GAS2L3: variants seen among roughly 807,000 people sequenced by gnomAD.
GAS2L3 encodes the protein growth arrest specific 2 like 3.
A neutral mutation model predicts 37.0 loss-of-function variants in GAS2L3; 28 were observed. That is an observed-to-expected ratio of 0.76 (90% CI 0.56 to 1.04). GAS2L3 has a LOEUF of 1.04. GAS2L3 is among the 50% of genes least tolerant of loss of function. The probability of loss-of-function intolerance (pLI) is 0.00; values close to 1 mark genes in which losing one functional copy is unlikely to be tolerated. For synonymous variants in GAS2L3, 290 were observed against 296.6 expected (o/e 0.98, Z 0.23); for missense variants, 793 against 817.6 (o/e 0.97, Z 0.37).
chr12:100,585,294 C>A (rs982770155), intron 1 of GAS2L3, among the ~76,000 whole-genome samples: 1 of 151,040 alleles, frequency 6.6e-6, no homozygotes, highest in African/African-American at 2.4e-5. Context: ...CTTGCTCTGT[C>A]ACCCAGGTTG....
At position 100,611,995 on chromosome 12, in the gene GAS2L3, T is replaced by C. The variant is rs768316520; in HGVS notation, c.304-5T>C. ...TTTTTGAAATTATTCTTTTGTCTTT[T>C]CCAGAATTTTCCAATGAGAAAAGTG... On this transcript the variant is annotated splice_polypyrimidine_tract_variant and splice_region_variant and intron_variant, in intron 5 of 9. Transcript: ENST00000547754. The C allele has an allele frequency of 3.8e-6, 6 of 1,587,296 alleles. No homozygotes were observed. The African/African-American group carries it at 8.1e-5, about 21-fold the overall frequency.
chr12:100,596,775 C>T (rs1955918034), intron 3 of GAS2L3, among the ~76,000 whole-genome samples: 1 of 152,006 alleles, frequency 6.6e-6, no homozygotes, highest in African/African-American at 2.4e-5. Flanking sequence ...GTCATAGTCC[C>T]ATTTGAAAAC....
At chr12:100,609,434 C>G (rs1351317260) in intron 5 of GAS2L3, among the ~76,000 whole-genome samples, 1 of 152,152 alleles carries the variant, frequency 6.6e-6, no homozygotes, top group Non-Finnish European at 1.5e-5. Context: ...GTAAAGTCCT[C>G]CAGTTGCTGC....
Position 100,623,735 on chromosome 12 carries a change from A to C in GAS2L3, c.930A>C (p.Arg310Ser). 1 of 1,614,072 alleles carries C rather than the reference A, an allele frequency of 6.2e-7. No individual in the cohort carries two copies. Among genetic ancestry groups the C allele is most frequent in the East Asian group, 2.2e-5 (1 of 44,874 alleles). ...AAAGTGTACCTGATTCGCCTGCCAG[A>C]ACACCTCAGCCTCCTGAAATGAATC... ...SNESVPDSPA[R>S]TPQPPEMNPL... is the part of the protein sequence containing the mutation. Residue 310 changes from arginine (R) to serine (S), a missense_variant, in exon 10 of 10, where the codon AGA becomes AGC. Physicochemically the swap from Arg to Ser is moderately radical, Grantham distance 110 (BLOSUM62 -1). Coordinates refer to ENST00000547754, the MANE Select transcript of GAS2L3 (RefSeq NM_174942.3).
At position 100,623,571 on chromosome 12, in the gene GAS2L3, G is replaced by A. The variant is rs1264056382; in HGVS notation, c.766G>A (p.Gly256Arg). 1.9e-6 allele frequency: 3 copies of A among 1,596,304 alleles called. No homozygotes were observed. The South Asian group carries it at 3.4e-5, about 18-fold the overall frequency. The change falls in exon 10 of 10, where the codon GGA becomes AGA. Residue 256 changes from glycine (G) to arginine (R), a missense_variant. Gly to Arg is a moderately radical substitution (Grantham distance 125). Coordinates refer to ENST00000547754, the MANE Select transcript of GAS2L3 (RefSeq NM_174942.3). ...DKILFIRMLH[G>R]KHVMVRVGGG... ...TTTCCTTTGGGGGCAGATGCTTCAT[G>A]GAAAACATGTCATGGTTCGCGTTGG...
chr12:100,595,405 T>TTTTG, intron 3 of GAS2L3, among the ~76,000 whole-genome samples: 1 of 151,482 alleles, frequency 6.6e-6, no homozygotes, highest in African/African-American at 2.4e-5. Flanking sequence ...TGGGTTTTTT[T>TTTTG]TTTTTTGTTT....
intron 1 of GAS2L3, among the ~76,000 whole-genome samples, chr12:100,586,067 C>T (rs538647103): frequency 3.3e-5 from 5 of 152,270 alleles, no homozygotes; most frequent in South Asian, 4.1e-4. Context: ...TAGATCATGT[C>T]GCTACTCTCT....
rs771810982 is a variant in GAS2L3, at chr12:100,624,799, C to G, written c.1994C>G (p.Ala665Gly). 5.6e-6 allele frequency: 9 copies of G among 1,613,444 alleles called. No homozygotes were observed. Among genetic ancestry groups the G allele is most frequent in the South Asian group, 1.1e-5 (1 of 91,052 alleles). The change falls in exon 10 of 10, where the codon GCA (alanine) becomes GGA (glycine). Residue 665 changes from alanine (A) to glycine (G), a missense_variant. Coordinates refer to ENST00000547754, the MANE Select transcript of GAS2L3 (RefSeq NM_174942.3). ...AAACCACCCTCATCTGTTAAGGATG[C>G]AGATAGTGGAGATAAAAAACCTACT... is the stretch of plus-strand genomic sequence containing the variant. ...IRKPPSSVKD[A>G]DSGDKKPTAK...
At chr12:100,615,607 A>G (rs1407384966) in intron 6 of GAS2L3, among the ~76,000 whole-genome samples, 5 of 152,062 alleles carry the variant, frequency 3.3e-5, no homozygotes, top group African/African-American at 1.2e-4. Flanking sequence ...TTTTCTATAA[A>G]TGTTACAGTT....
At chr12:100,613,626 G>A (rs926477281) in intron 6 of GAS2L3, among the ~76,000 whole-genome samples, 5 of 148,698 alleles carry the variant, frequency 3.4e-5, no homozygotes, top group African/African-American at 9.9e-5. Flanking sequence ...ATGGAGTCTC[G>A]CTATGTCGCC....
rs111258778 is a variant in GAS2L3, at chr12:100,585,871, A to G, written c.-151-5865A>G. Among the ~76,000 whole-genome samples the G allele has an allele frequency of 9.8e-4, 149 of 151,878 alleles. 1 individual carries two copies. The highest frequency in any genetic ancestry group is 3.5e-3 in the African/African-American group (145 of 41,446). On this transcript the variant is annotated intron_variant, in intron 1 of 9. Transcript: ENST00000547754. ...CTCTTCCACACTACTCTCCCATCTC[A>G]TTTCTTATACAGTGTTTCTTTGGCT...
At chr12:100,583,282 T>TGTGACC (rs1955736648) in intron 1 of GAS2L3, among the ~76,000 whole-genome samples, 1 of 152,244 alleles carries the variant, frequency 6.6e-6, no homozygotes, top group Non-Finnish European at 1.5e-5. Flanking sequence ...AGGTCACATA[T>TGTGACC]TCACAGGTTC....
intron 1 of GAS2L3, chr12:100,578,850 G>T (rs1355885490): frequency 2.8e-6 from 2 of 725,074 alleles, no homozygotes; most frequent in Non-Finnish European, 5.1e-6. Flanking sequence ...CATAATATAT[G>T]TATGGCATCT....
chr12:100,580,038 G>C (rs933270707), intron 1 of GAS2L3: 1 of 1,440,328 alleles, frequency 6.9e-7, no homozygotes, highest in Non-Finnish European at 9.8e-7. Flanking sequence ...TTTGTTGGCT[G>C]TTTTCAACTT....
chr12:100,581,456 G>GGGT (rs1487409480), intron 1 of GAS2L3, among the ~76,000 whole-genome samples: 1 of 152,136 alleles, frequency 6.6e-6, no homozygotes, highest in African/African-American at 2.4e-5. Flanking sequence ...AGGCACTTGT[G>GGGT]GGTGCACTAG....
chr12:100,608,987 A>G (rs539847087), intron 5 of GAS2L3, among the ~76,000 whole-genome samples: 230 of 152,302 alleles, frequency 1.5e-3, no homozygotes, highest in African/African-American at 5.4e-3. Context: ...GGCCACTGCT[A>G]ACAGAACCCA....
intron 4 of GAS2L3, 136 bp from the exon 5 acceptor site, chr12:100,601,502 C>A: frequency 3.9e-6 from 2 of 506,600 alleles, no homozygotes; most frequent in Non-Finnish European, 7.1e-6. Flanking sequence ...TTTAACTGTA[C>A]CTTCTAAGAG....
chr12:100,605,320 T>G (rs1956043075), intron 5 of GAS2L3, among the ~76,000 whole-genome samples: 1 of 151,988 alleles, frequency 6.6e-6, no homozygotes, highest in Admixed American at 6.6e-5. Context: ...GTATGATCCT[T>G]TAAATTTCTG....
intron 9 of GAS2L3, among the ~76,000 whole-genome samples, chr12:100,622,749 TAAAAAAAAAA>T: frequency 7.5e-5 from 2 of 26,840 alleles, no homozygotes; most frequent in African/African-American, 1.4e-4. Context: ...GTATCCATAG[TAAAAAAAAAA>T]AAAAAAAAAA....
Sources: allele counts gnomAD v4.1 joint callset (sites outside exome capture counted in the v4.1 genomes callset), GRCh38; gene constraint gnomAD v4.1.1; transcripts MANE v1.5; gene names NCBI Gene and HGNC (gene_info 2026-07-23, HGNC 2026-07-21).